MAF: variants seen among roughly 807,000 people sequenced by gnomAD.
The protein encoded by MAF is transcription factor Maf.
MAF carries 10 observed loss-of-function variants against 22.0 expected under a neutral mutation model. The ratio of observed to expected loss-of-function variants is 0.45; its 90% CI spans 0.28 to 0.77. MAF has a LOEUF of 0.77. MAF is among the 30% of genes least tolerant of loss of function. The pLI is 0.12. For missense variants in MAF, 544 were observed against 548.4 expected (o/e 0.99, Z 0.08); for synonymous variants, 337 against 255.8 (o/e 1.32, Z -3.03).
the MAF span, among the ~76,000 whole-genome samples, chr16:79,526,401 G>A: frequency 1.3e-5 from 2 of 152,298 alleles, no homozygotes; most frequent in East Asian, 3.9e-4. Flanking sequence ...CAGAGCTCTG[G>A]CGGTAATGGG....
chr16:79,305,577 T>C, the MAF span, among the ~76,000 whole-genome samples: 1 of 152,136 alleles, frequency 6.6e-6, no homozygotes, highest in African/African-American at 2.4e-5. Flanking sequence ...GGGGAGGGGC[T>C]GCACTAGGAT....
At chr16:79,267,391 G>T in the MAF span, among the ~76,000 whole-genome samples, 1 of 152,200 alleles carries the variant, frequency 6.6e-6, no homozygotes, top group African/African-American at 2.4e-5. Flanking sequence ...CACGAAAAGT[G>T]TGAGCTCTGC....
chr16:79,249,960 C>T, the MAF span, among the ~76,000 whole-genome samples: 2,860 of 152,270 alleles, frequency 0.019, 26 homozygotes, highest in Middle Eastern at 0.071. Flanking sequence ...TTTTAAAATA[C>T]AGGTCCCAGA....
chr16:79,557,919 T>TTA, the MAF span, among the ~76,000 whole-genome samples: 564 of 151,964 alleles, frequency 3.7e-3, 1 homozygote, highest in Non-Finnish European at 5.9e-3. Flanking sequence ...GAAGGACTCC[T>TTA]GAGGGAAGTG....
chr16:79,563,323 A>C, the MAF span, among the ~76,000 whole-genome samples: 1 of 152,204 alleles, frequency 6.6e-6, no homozygotes, highest in African/African-American at 2.4e-5. Context: ...TCTAGAACTA[A>C]ATTATTAATT....
chr16:79,260,345 T>A, the MAF span, among the ~76,000 whole-genome samples: 1 of 152,102 alleles, frequency 6.6e-6, no homozygotes, highest in Admixed American at 6.6e-5. Context: ...AGAGATGGGG[T>A]CCCACTGTGT....
the MAF span, among the ~76,000 whole-genome samples, chr16:79,545,089 T>C: frequency 1.4e-4 from 22 of 152,194 alleles, no homozygotes; most frequent in Non-Finnish European, 2.4e-4. Context: ...ATTTCTGTTG[T>C]TTGTTTTCCT....
chr16:79,379,748 C>T, the MAF span, among the ~76,000 whole-genome samples: 2 of 152,108 alleles, frequency 1.3e-5, no homozygotes, highest in South Asian at 2.1e-4. Context: ...GAAGGGCAGC[C>T]TTGTTGGGTT....
the MAF span, among the ~76,000 whole-genome samples, chr16:79,276,967 A>G: frequency 6.6e-6 from 1 of 151,158 alleles, no homozygotes; most frequent in Non-Finnish European, 1.5e-5. Flanking sequence ...TGTCACTCCA[A>G]TCTCTGTTCT....
chr16:79,286,687 C>G, the MAF span, among the ~76,000 whole-genome samples: 77 of 152,306 alleles, frequency 5.1e-4, 1 homozygote, highest in African/African-American at 1.7e-3. Context: ...TCAGAGCTAC[C>G]CACAGACATT....
the MAF span, among the ~76,000 whole-genome samples, chr16:79,412,848 G>T: frequency 6.6e-6 from 1 of 152,202 alleles, no homozygotes; most frequent in Non-Finnish European, 1.5e-5. Context: ...AGATAATATG[G>T]GAGGAGGTGA....
the MAF span, chr16:79,203,292 G>C: frequency 6.6e-6 from 1 of 152,204 alleles, no homozygotes; most frequent in Admixed American, 6.5e-5. Flanking sequence ...CTTGGAACCT[G>C]AGAAATGGTC....
chr16:79,269,182 G>A, the MAF span, among the ~76,000 whole-genome samples: 2 of 152,176 alleles, frequency 1.3e-5, no homozygotes, highest in African/African-American at 2.4e-5. Context: ...TTAGAGAACT[G>A]AAATCAGAGT....
the MAF span, among the ~76,000 whole-genome samples, chr16:79,522,938 G>C: frequency 5.3e-3 from 804 of 152,308 alleles, 7 homozygotes; most frequent in African/African-American, 0.018. Context: ...AAATTCCAGA[G>C]AAGAGACATG....
the MAF span, among the ~76,000 whole-genome samples, chr16:79,286,376 G>C: frequency 6.6e-6 from 1 of 152,152 alleles, no homozygotes. Flanking sequence ...AGAGAAGGAA[G>C]CTGAGGTCAC....
chr16:79,469,563 T>C, the MAF span, among the ~76,000 whole-genome samples: 1 of 152,170 alleles, frequency 6.6e-6, no homozygotes, highest in Non-Finnish European at 1.5e-5. Context: ...GGTATTTTTA[T>C]ATGCAAGGTC....
chr16:79,600,524 T>G lies in MAF; in HGVS notation c.-622A>C, dbSNP rs1913977830. 1 of 194,038 alleles carries G rather than the reference T, an allele frequency of 5.2e-6. No homozygotes were observed. The highest frequency in any genetic ancestry group is 1.2e-5 in the Non-Finnish European group (1 of 84,122). 12.0% of individuals were successfully genotyped at this position (194,038 alleles called of 1,614,324 possible). ...CTCTCTCCCTCGCGCGCTCTCTACC[T>G]CTGTGCAAAGTGCAAGGCAGAGGTG... On this transcript the variant is annotated 5_prime_UTR_variant, in exon 1 of 2. Coordinates refer to ENST00000326043, the MANE Select transcript of MAF (RefSeq NM_005360.5).
chr16:79,461,411 C>T, the MAF span, among the ~76,000 whole-genome samples: 1 of 152,180 alleles, frequency 6.6e-6, no homozygotes, highest in East Asian at 1.9e-4. Context: ...GTCTCCTTTA[C>T]CCGATGGCTC....
the MAF span, among the ~76,000 whole-genome samples, chr16:79,538,861 AAAAGAAAAGAAAAG>A: frequency 8.9e-4 from 30 of 33,766 alleles, no homozygotes; most frequent in Admixed American, 6.1e-3. Flanking sequence ...AAAAGAAAAG[AAAAGAAAAGAAAAG>A]AAAGAAAGAA....
Sources: gnomAD v4.1 joint callset for allele counts (sites outside exome capture counted in the v4.1 genomes callset) on GRCh38, gnomAD v4.1.1 for gene constraint, MANE v1.5 for transcripts, NCBI Gene and HGNC (gene_info 2026-07-23, HGNC 2026-07-21) for gene names.